The following DPY19L1 variants were observed in gnomAD, a reference collection of about 807,000 sequenced individuals.
DPY19L1 encodes dpy-19 like C-mannosyltransferase 1.
DPY19L1 carries 35 observed loss-of-function variants against 96.9 expected under a neutral mutation model. The ratio of observed to expected loss-of-function variants is 0.36; its 90% confidence interval spans 0.28 to 0.48. The LOEUF is 0.48. Among genes scored for constraint, DPY19L1 ranks in the 20% least tolerant of loss-of-function variants. DPY19L1 has a pLI of 0.99. For missense variants in DPY19L1, 521 were observed against 777.9 expected (o/e 0.67, Z 3.93); for synonymous variants, 205 against 252.6 (o/e 0.81, Z 1.79).
intron 7 of DPY19L1, among the ~76,000 whole-genome samples, chr7:34,982,011 C>T (rs1784949962): frequency 6.6e-6 from 1 of 152,132 alleles, no homozygotes; most frequent in African/African-American, 2.4e-5. Context: ...AGGAAACAAT[C>T]AGACAAATCC....
chr7:34,934,509 C>T (rs1783824469), intron 21 of DPY19L1, among the ~76,000 whole-genome samples: 2 of 152,168 alleles, frequency 1.3e-5, no homozygotes, highest in Admixed American at 6.5e-5. Flanking sequence ...TAAAGCAATG[C>T]AGCTACAAAC....
intron 11 of DPY19L1, among the ~76,000 whole-genome samples, chr7:34,955,572 C>A (rs181791006): frequency 6.6e-6 from 1 of 152,062 alleles, no homozygotes; most frequent in Non-Finnish European, 1.5e-5. Context: ...TAGGTGAATG[C>A]GTGACTTTTT....
At chr7:35,021,831 T>C (rs541413551) in intron 1 of DPY19L1, among the ~76,000 whole-genome samples, 1 of 152,298 alleles carries the variant, frequency 6.6e-6, no homozygotes, top group East Asian at 1.9e-4. Context: ...ACTTTTTTAA[T>C]CTTAAATATG....
intron 9 of DPY19L1, 113 bp from the exon 10 acceptor site, chr7:34,967,084 TTC>T (rs1206377869): frequency 1.4e-6 from 1 of 713,860 alleles, no homozygotes; most frequent in Non-Finnish European, 2.1e-6. Flanking sequence ...GAGTGAGTTC[TTC>T]TGTTTTCCTT....
At chr7:34,958,159 A>G (rs1190344428) in intron 10 of DPY19L1, 89 bp from the exon 11 acceptor site, 1 of 831,166 alleles carries the variant, frequency 1.2e-6, no homozygotes, top group Non-Finnish European at 1.8e-6. Flanking sequence ...TGCCCATAAT[A>G]AACAAAATTC....
At chr7:35,022,815 C>A (rs529355155) in intron 1 of DPY19L1, among the ~76,000 whole-genome samples, 137 of 152,284 alleles carry the variant, frequency 9.0e-4, no homozygotes, top group Non-Finnish European at 1.5e-3. Flanking sequence ...ACCAATGGAG[C>A]CCCCATTTAC....
At chr7:34,963,182 G>A (rs1176443467) in intron 10 of DPY19L1, among the ~76,000 whole-genome samples, 2 of 124,778 alleles carry the variant, frequency 1.6e-5, no homozygotes, top group Admixed American at 8.7e-5. Flanking sequence ...GCGACAGAGC[G>A]AGATCTGTCT....
chr7:34,975,314 C>A (rs567830022), intron 7 of DPY19L1, among the ~76,000 whole-genome samples: 28 of 152,266 alleles, frequency 1.8e-4, no homozygotes, highest in African/African-American at 6.3e-4. Context: ...GATACGCAGA[C>A]AGTTTTAATG....
At chr7:34,939,456 C>A in intron 19 of DPY19L1, 81 bp from the exon 20 acceptor site, 1 of 1,248,842 alleles carries the variant, frequency 8.0e-7, no homozygotes. Context: ...TCAATTATTT[C>A]ACAGGTAACA....
At chr7:34,942,753 G>A (rs536421229) in intron 16 of DPY19L1, 114 bp from the exon 17 acceptor site, 67 of 813,758 alleles carry the variant, frequency 8.2e-5, no homozygotes, top group Middle Eastern at 2.4e-4. Flanking sequence ...ATTCTCTCAG[G>A]ACACACACAG....
At chr7:35,020,521 G>A (rs1173907144) in intron 1 of DPY19L1, among the ~76,000 whole-genome samples, 2 of 152,112 alleles carry the variant, frequency 1.3e-5, no homozygotes, top group Non-Finnish European at 2.9e-5. Context: ...TTCTTATGAA[G>A]TTTCTCCTGG....
rs1255432780 is a variant in DPY19L1 at position 34,929,834 on chromosome 7, C to G, written c.*1739G>C. The G allele has an allele frequency of 6.6e-6, 1 of 152,186 alleles. No homozygotes were observed. The highest frequency in any genetic ancestry group is 2.4e-5 in the African/African-American group (1 of 41,446). 9.4% of individuals were successfully genotyped at this position (152,186 alleles called of 1,614,324 possible). Reference sequence around the variant, plus strand: ...AAGCCTAAGAAATAAAAACAGTCAACCAGCAAATGAGAAACAGTGGCCACA... The same window carrying G: ...AAGCCTAAGAAATAAAAACAGTCAAGCAGCAAATGAGAAACAGTGGCCACA... On this transcript the variant is annotated 3_prime_UTR_variant, in exon 22 of 22. Coordinates refer to ENST00000638088, the MANE Select transcript of DPY19L1 (RefSeq NM_001366673.1).
At position 34,989,650 on chromosome 7, in the gene DPY19L1, A is replaced by C. The variant is rs542315083; in HGVS notation, c.822+234T>G. On this transcript the variant is annotated intron_variant, in intron 7 of 21. Coordinates refer to ENST00000638088, the MANE Select transcript of DPY19L1 (RefSeq NM_001366673.1). ...ACAAAAACAACAACAACAACAAAAA[A>C]AAAAAACAGAATTGATACAGTTGAT... is the stretch of plus-strand genomic sequence containing the variant. 6.6e-4 allele frequency among the ~76,000 whole-genome samples: 97 copies of C among 147,040 alleles called. No homozygotes were observed. The South Asian group carries it at 0.011, about 17-fold the overall frequency.
chr7:35,037,252 C>G lies in DPY19L1; in HGVS notation c.143G>C (p.Gly48Ala), dbSNP rs1220931916. Residue 48 changes from glycine to alanine, a missense_variant, in exon 1 of 22, where the codon GGG (glycine) becomes GCG (alanine). Gly to Ala is a moderately conservative substitution (Grantham distance 60). Coordinates refer to ENST00000638088, the MANE Select transcript of DPY19L1 (RefSeq NM_001366673.1). Reference sequence around the variant, plus strand: ...CTTCCTGCCCGCGGCGCCCTTGCGCCCCGGGGACAGGGGCGCGCGCTCGGG... The same window carrying G: ...CTTCCTGCCCGCGGCGCCCTTGCGCGCCGGGGACAGGGGCGCGCGCTCGGG... The part of the protein sequence containing the change: ...PGPERAPLSP[G>A]RKGAAGRKGP... The G allele has an allele frequency of 1.1e-5, 3 of 282,432 alleles. No individual in the cohort carries two copies. The highest frequency in any genetic ancestry group is 2.0e-5 in the Non-Finnish European group (3 of 152,738). 17.5% of individuals were successfully genotyped at this position (282,432 alleles called of 1,614,324 possible).
At chr7:34,985,153 G>T (rs1426146932) in intron 7 of DPY19L1, among the ~76,000 whole-genome samples, 4 of 152,118 alleles carry the variant, frequency 2.6e-5, no homozygotes, top group African/African-American at 9.7e-5. Context: ...AAATTATAGT[G>T]ATGTCTTCTT....
rs1366933824 is a variant in DPY19L1 at position 34,929,329 on chromosome 7, C to A, written c.*2244G>T. Reference sequence around the variant, plus strand: ...GCCACGGCTGCATAGCAGGGACCTTCAGGCCTCTGCTCCAAACTGGCTCCC... The same window carrying A: ...GCCACGGCTGCATAGCAGGGACCTTAAGGCCTCTGCTCCAAACTGGCTCCC... On this transcript the variant is annotated 3_prime_UTR_variant, in exon 22 of 22. Coordinates refer to ENST00000638088, the MANE Select transcript of DPY19L1 (RefSeq NM_001366673.1). 2 of 152,200 alleles carry A rather than the reference C, an allele frequency of 1.3e-5. No homozygotes were observed. The highest frequency in any genetic ancestry group is 3.9e-4 in the East Asian group (2 of 5,190). The allele number at this position is 152,200 out of a possible 1,614,324, so 9.4% of individuals were successfully genotyped here.
At position 34,931,418 on chromosome 7, in the gene DPY19L1, A is replaced by G; in HGVS notation, c.*155T>C. The G allele has an allele frequency of 9.4e-7, 1 of 1,067,486 alleles. No individual in the cohort carries two copies. Among genetic ancestry groups the G allele is most frequent in the Non-Finnish European group, 1.3e-6 (1 of 796,164 alleles). The allele number at this position is 1,067,486 out of a possible 1,614,324, so 66.1% of individuals were successfully genotyped here. On this transcript the variant is annotated 3_prime_UTR_variant, in exon 22 of 22. Transcript: ENST00000638088. ...ATTGATAAAGGTGTAAGTCATTTTT[A>G]TAATTAGAATGACATTCAAATTGAC... is the stretch of plus-strand genomic sequence containing the variant.
intron 6 of DPY19L1, among the ~76,000 whole-genome samples, chr7:35,006,365 C>T (rs549924148): frequency 5.9e-5 from 9 of 152,196 alleles, no homozygotes; most frequent in Non-Finnish European, 7.4e-5. Context: ...TGATATCTGC[C>T]TTAGAGTCCA....
At chr7:34,982,877 G>A (rs553238692) in intron 7 of DPY19L1, among the ~76,000 whole-genome samples, 1 of 152,126 alleles carries the variant, frequency 6.6e-6, no homozygotes, top group Non-Finnish European at 1.5e-5. Flanking sequence ...ATTTGGTTTC[G>A]GGGCCTTGGC....
Sources: allele counts gnomAD v4.1 joint callset (sites outside exome capture counted in the v4.1 genomes callset), GRCh38; gene constraint gnomAD v4.1.1; transcripts MANE v1.5; gene names NCBI Gene and HGNC (gene_info 2026-07-23, HGNC 2026-07-21).